The following TRHDE variants were observed in gnomAD, a reference collection of about 807,000 sequenced individuals.
TRHDE encodes the protein thyrotropin releasing hormone degrading enzyme.
A neutral mutation model predicts 125.7 loss-of-function variants in TRHDE; 72 were observed. That is an observed-to-expected ratio of 0.57 (90% confidence interval 0.47 to 0.70). The LOEUF is 0.70. TRHDE is among the 30% of genes least tolerant of loss of function. The pLI is 0.00. For missense variants in TRHDE, 1,110 were observed against 1,327.1 expected (o/e 0.84, Z 2.54); for synonymous variants, 509 against 509.1 (o/e 1.00, Z 0.00).
chr12:72,177,121 AG>A (rs988362918), intron 2 of TRHDE, among the ~76,000 whole-genome samples: 8 of 151,772 alleles, frequency 5.3e-5, no homozygotes, highest in Non-Finnish European at 7.4e-5. Context: ...GCATCACCAA[AG>A]GTTTTTTTTT....
intron 12 of TRHDE, among the ~76,000 whole-genome samples, chr12:72,606,353 G>C (rs1358777852): frequency 6.6e-6 from 1 of 152,162 alleles, no homozygotes; most frequent in Non-Finnish European, 1.5e-5. Flanking sequence ...CTGTACATGA[G>C]TTTATTAGCT....
At chr12:72,190,806 A>T (rs903055128) in intron 2 of TRHDE, among the ~76,000 whole-genome samples, 2 of 152,210 alleles carry the variant, frequency 1.3e-5, no homozygotes, top group African/African-American at 2.4e-5. Context: ...ACTCCAAAAC[A>T]GTTCTTTTCA....
chr12:72,167,794 C>T (rs1304959174), intron 2 of TRHDE: 1 of 152,178 alleles, frequency 6.6e-6, no homozygotes, highest in Non-Finnish European at 1.5e-5. Context: ...AATCACATCT[C>T]TCAGAATTAT....
At chr12:72,270,930 C>T (rs1879184945), upstream of TRHDE, among the ~76,000 whole-genome samples, 1 of 152,200 alleles carries the variant, frequency 6.6e-6, no homozygotes, top group Non-Finnish European at 1.5e-5. Flanking sequence ...CTATTGATAA[C>T]TATCCTAACA....
chr12:72,465,389 C>T (rs755911556), intron 3 of TRHDE, among the ~76,000 whole-genome samples: 1 of 152,172 alleles, frequency 6.6e-6, no homozygotes, highest in African/African-American at 2.4e-5. Context: ...TCTTTGTCCC[C>T]AGGCAACCTC....
At chr12:72,438,529 A>AT (rs1395159342) in intron 3 of TRHDE, among the ~76,000 whole-genome samples, 1 of 151,744 alleles carries the variant, frequency 6.6e-6, no homozygotes, top group Admixed American at 6.6e-5. Flanking sequence ...AGTGATGAGC[A>AT]TTTTTTCATA....
intron 2 of TRHDE, among the ~76,000 whole-genome samples, chr12:72,153,497 A>G (rs527521646): frequency 1.3e-5 from 2 of 152,212 alleles, no homozygotes; most frequent in African/African-American, 4.8e-5. Flanking sequence ...TAGGTTGTCA[A>G]TTTTAGATCT....
At chr12:72,395,394 C>T (rs372004030) in intron 3 of TRHDE, among the ~76,000 whole-genome samples, 1 of 152,106 alleles carries the variant, frequency 6.6e-6, no homozygotes, top group Non-Finnish European at 1.5e-5. Flanking sequence ...CTGTCATTTC[C>T]AATAACTGTA....
rs1404748050 is a variant in TRHDE, at chr12:72,213,745, C to G, written n.279+107993C>G. ...ATTATTTGCATGCCATAACATAAAACAAAATTTGTTTAAACTTCTGTGAGC... is the reference window on the plus strand; with the variant it reads ...ATTATTTGCATGCCATAACATAAAAGAAAATTTGTTTAAACTTCTGTGAGC... On this transcript the variant is annotated intron_variant and non_coding_transcript_variant, in intron 2 of 4. Coordinates refer to the TRHDE transcript ENST00000548156. Among the ~76,000 whole-genome samples, 5 of 151,984 alleles carry G rather than the reference C, an allele frequency of 3.3e-5. No homozygotes were observed. In the East Asian group the frequency reaches 9.6e-4, roughly 29 times the overall value.
intron 2 of TRHDE, among the ~76,000 whole-genome samples, chr12:72,206,086 ATTTT>A (rs34424314): frequency 7.4e-6 from 1 of 135,556 alleles, no homozygotes; most frequent in Non-Finnish European, 1.6e-5. Context: ...CAAAGGACAG[ATTTT>A]TTTTTTTTTT....
At chr12:72,486,704 G>A (rs1207143306) in intron 5 of TRHDE, among the ~76,000 whole-genome samples, 11 of 152,190 alleles carry the variant, frequency 7.2e-5, no homozygotes, top group South Asian at 2.1e-4. Flanking sequence ...ATAAGTGACC[G>A]CACCACTAAG....
chr12:72,424,321 TTCTTA>T (rs936129538), intron 3 of TRHDE, among the ~76,000 whole-genome samples: 4 of 152,160 alleles, frequency 2.6e-5, no homozygotes, highest in African/African-American at 9.7e-5. Context: ...TGTTTTCCTT[TTCTTA>T]TAAGAATATC....
At chr12:72,269,097 T>C (rs189736538), upstream of TRHDE, among the ~76,000 whole-genome samples, 404 of 152,206 alleles carry the variant, frequency 2.7e-3, 3 homozygotes, top group African/African-American at 9.2e-3. Flanking sequence ...TTTTGTGAGG[T>C]GCGAACTCTG....
chr12:72,512,635 A>C (rs1472680063), intron 6 of TRHDE, among the ~76,000 whole-genome samples: 23 of 142,708 alleles, frequency 1.6e-4, no homozygotes. Flanking sequence ...ATATCATATT[A>C]TCATATATAA....
At chr12:72,548,437 A>G (rs1247710673) in intron 7 of TRHDE, among the ~76,000 whole-genome samples, 1 of 151,758 alleles carries the variant, frequency 6.6e-6, no homozygotes, top group Non-Finnish European at 1.5e-5. Context: ...TCCATATACA[A>G]CAATGCTTAT....
intron 7 of TRHDE, chr12:72,560,504 G>A (rs1206135578): frequency 6.6e-6 from 1 of 152,136 alleles, no homozygotes; most frequent in Non-Finnish European, 1.5e-5. Flanking sequence ...TCTAATATTA[G>A]CACCTTTTAT....
At chr12:72,259,030 TA>T (rs1878885605) in intron 2 of TRHDE, among the ~76,000 whole-genome samples, 1 of 152,202 alleles carries the variant, frequency 6.6e-6, no homozygotes, top group Non-Finnish European at 1.5e-5. Context: ...CCTTTGTAAT[TA>T]AACATTTTGT....
rs890797926 is a variant in TRHDE at position 72,669,063 on chromosome 12, T to G, written c.*5868T>G. The stretch of plus-strand genomic sequence containing the variant: ...CATGAAAACATTTTACATTAGCATG[T>G]TGTGTAGTGGGTTTTAAGTTATAAC... On this transcript the variant is annotated 3_prime_UTR_variant, in exon 19 of 19. Coordinates refer to ENST00000261180, the MANE Select transcript of TRHDE (RefSeq NM_013381.3). The G allele has an allele frequency of 6.6e-6, 1 of 151,642 alleles. No individual in the cohort carries two copies. 9.4% of individuals were successfully genotyped at this position (151,642 alleles called of 1,614,324 possible). A position where few individuals can be genotyped will look rare whatever the true frequency, so the allele number is the denominator to read the frequency against.
chr12:72,114,973 A>G (rs1267592042), intron 2 of TRHDE, among the ~76,000 whole-genome samples: 3 of 152,124 alleles, frequency 2.0e-5, no homozygotes, highest in African/African-American at 4.8e-5. Context: ...TTGTGGGTAT[A>G]TAGCAGGTAC....
Sources: gnomAD v4.1 joint callset for allele counts (sites outside exome capture counted in the v4.1 genomes callset) on GRCh38, gnomAD v4.1.1 for gene constraint, MANE v1.5 for transcripts, NCBI Gene and HGNC (gene_info 2026-07-23, HGNC 2026-07-21) for gene names.